SIPA1L1: variants seen among roughly 807,000 people sequenced by gnomAD.
The protein encoded by SIPA1L1 is signal induced proliferation associated 1 like 1, also known as signal-induced proliferation-associated 1-like protein 1.
SIPA1L1 carries 26 observed loss-of-function variants against 162.7 expected under a neutral mutation model. The ratio of observed to expected loss-of-function variants is 0.16; its 90% CI spans 0.12 to 0.22. The LOEUF (loss-of-function observed/expected upper bound fraction) is 0.22, where lower values mean the gene tolerates loss of function less well. Ranked by LOEUF, SIPA1L1 falls within the 10% of genes least tolerant of loss-of-function variation. The pLI is 1.00. For synonymous variants in SIPA1L1, 829 were observed against 837.4 expected (o/e 0.99, Z 0.17); for missense variants, 1,874 against 2,241.0 (o/e 0.84, Z 3.31).
intron 2 of SIPA1L1, chr14:71,330,238 A>G (rs1234077858): frequency 4.6e-6 from 3 of 659,248 alleles, no homozygotes; most frequent in East Asian, 2.8e-5. Flanking sequence ...TCCCAACTCC[A>G]CTATTCCAGG....
Position 71,508,001 on chromosome 14 carries a change from G to A in SIPA1L1, c.-464-4742G>A, listed in dbSNP as rs562462512. On this transcript the variant is annotated intron_variant, in intron 2 of 23. Transcript: ENST00000381232. ...AAGAAAAAAAGAGGGCAAGTGGGACGATAGAGGGTAACCGGCATAAGCTCA... is the reference window on the plus strand; with the variant it reads ...AAGAAAAAAAGAGGGCAAGTGGGACAATAGAGGGTAACCGGCATAAGCTCA... 1.2e-4 allele frequency among the ~76,000 whole-genome samples: 18 copies of A among 152,318 alleles called. 1 individual carries two copies. In the South Asian group the frequency reaches 3.5e-3, roughly 30 times the overall value.
At chr14:71,394,603 G>C (rs2041031824) in intron 2 of SIPA1L1, among the ~76,000 whole-genome samples, 1 of 152,144 alleles carries the variant, frequency 6.6e-6, no homozygotes, top group Non-Finnish European at 1.5e-5. Flanking sequence ...TTTAAAATCA[G>C]CAGTGAATAA....
intron 3 of SIPA1L1, among the ~76,000 whole-genome samples, chr14:71,519,827 A>G (rs2052123571): frequency 6.6e-6 from 1 of 151,934 alleles, no homozygotes; most frequent in South Asian, 2.1e-4. Context: ...CTAGTCTCTT[A>G]TGGAAAAAAA....
intron 2 of SIPA1L1, among the ~76,000 whole-genome samples, chr14:71,395,509 A>C (rs142785558): frequency 2.0e-4 from 30 of 152,260 alleles, no homozygotes; most frequent in Non-Finnish European, 3.2e-4. Context: ...AAAAATAAAA[A>C]ACAATTAGCT....
intron 2 of SIPA1L1, among the ~76,000 whole-genome samples, chr14:71,429,691 T>G (rs556178772): frequency 5.3e-5 from 8 of 152,174 alleles, no homozygotes; most frequent in Non-Finnish European, 7.3e-5. Context: ...TCTAAGTGGC[T>G]TCCATCAGCA....
rs536965843 is a variant in SIPA1L1, at chr14:71,430,318, T to TA, written c.-464-82419dup. 5.3e-5 allele frequency among the ~76,000 whole-genome samples: 8 copies of TA among 152,282 alleles called. No homozygotes were observed. In the South Asian group the frequency reaches 1.7e-3, roughly 32 times the overall value. The stretch of plus-strand genomic sequence containing the variant: ...TCTTCCTTTTGATCTTTTAAGAAAA[T>TA]AAAAAACTGTAATACTTATTTTATC... On this transcript the variant is annotated intron_variant, in intron 2 of 23. Coordinates refer to ENST00000381232, the MANE Select transcript of SIPA1L1 (RefSeq NM_001386936.1).
At chr14:71,497,418 T>C (rs2049877439) in intron 2 of SIPA1L1, among the ~76,000 whole-genome samples, 1 of 152,174 alleles carries the variant, frequency 6.6e-6, no homozygotes, top group Non-Finnish European at 1.5e-5. Context: ...TTTGTGACTT[T>C]CATTATAATA....
At chr14:71,593,905 A>G (rs1012154698) in intron 5 of SIPA1L1, among the ~76,000 whole-genome samples, 3 of 152,186 alleles carry the variant, frequency 2.0e-5, no homozygotes, top group Admixed American at 1.3e-4. Flanking sequence ...GCCTCCCTCT[A>G]CTGCACACTG....
At chr14:71,677,133 C>G (rs1404610418) in intron 12 of SIPA1L1, among the ~76,000 whole-genome samples, 1 of 152,214 alleles carries the variant, frequency 6.6e-6, no homozygotes, top group African/African-American at 2.4e-5. Context: ...TCTCCAGCAG[C>G]TGTTGTTTCC....
At chr14:71,710,128 C>T (rs1409536881) in intron 17 of SIPA1L1, among the ~76,000 whole-genome samples, 1 of 152,234 alleles carries the variant, frequency 6.6e-6, no homozygotes, top group Non-Finnish European at 1.5e-5. Context: ...AGCCGAGAAC[C>T]TCACTTACCT....
At chr14:71,707,032 CAAAAAAAA>C (rs775191889) in intron 16 of SIPA1L1, among the ~76,000 whole-genome samples, 5 of 92,396 alleles carry the variant, frequency 5.4e-5, no homozygotes, top group East Asian at 6.9e-4. Context: ...AAGACTCCGT[CAAAAAAAA>C]AAAAAAAAAA....
Position 71,672,396 on chromosome 14 carries a change from G to A in SIPA1L1, c.2878G>A (p.Gly960Arg), listed in dbSNP as rs1566616516. 1 of 1,614,236 alleles carries A rather than the reference G, an allele frequency of 6.2e-7. No homozygotes were observed. Among genetic ancestry groups the A allele is most frequent in the Admixed American group, 1.7e-5 (1 of 60,034 alleles). The stretch of plus-strand genomic sequence containing the variant: ...GGTGGAGATGACTCTGCGAAGAAAT[G>A]GGCTAGGACAGCTTGGCTTCCATGT... Reference protein sequence around the residue: ...ESVEMTLRRNGLGQLGFHVNY... With the variant: ...ESVEMTLRRNRLGQLGFHVNY... Residue 960 changes from glycine (G) to arginine (R), a missense_variant, in exon 12 of 24, where the codon GGG becomes AGG. By Grantham distance (125) the Gly-to-Arg change is moderately radical. Coordinates refer to ENST00000381232, the MANE Select transcript of SIPA1L1 (RefSeq NM_001386936.1).
At chr14:71,676,154 C>T (rs1396330972) in intron 12 of SIPA1L1, among the ~76,000 whole-genome samples, 3 of 149,056 alleles carry the variant, frequency 2.0e-5, no homozygotes, top group Admixed American at 6.7e-5. Flanking sequence ...ATTAGGGGGG[C>T]GTGCTGGCAC....
At chr14:71,482,660 A>T (rs1486152352) in intron 2 of SIPA1L1, among the ~76,000 whole-genome samples, 2 of 152,158 alleles carry the variant, frequency 1.3e-5, no homozygotes, top group African/African-American at 4.8e-5. Flanking sequence ...TACTTTTTTC[A>T]TAGGGATGAA....
rs1347656282 is a variant in SIPA1L1 at position 71,618,965 on chromosome 14, A to G, written c.1629+78A>G. ...AAATAGTAGCAGTAGCAAAGCAATT[A>G]AATTTAATAGCACATGGTTACAGCT... On this transcript the variant is annotated intron_variant, in intron 6 of 23. Coordinates refer to ENST00000381232, the MANE Select transcript of SIPA1L1 (RefSeq NM_001386936.1). 1.4e-5 allele frequency: 21 copies of G among 1,468,306 alleles called. 1 individual carries two copies. The highest frequency in any genetic ancestry group is 1.9e-5 in the Non-Finnish European group (20 of 1,064,172). The allele number at this position is 1,468,306 out of a possible 1,614,324, so 91.0% of individuals were successfully genotyped here.
chr14:71,616,507 C>T (rs2038851485), intron 5 of SIPA1L1, among the ~76,000 whole-genome samples: 1 of 141,290 alleles, frequency 7.1e-6, no homozygotes, highest in Non-Finnish European at 1.5e-5. Flanking sequence ...ATTAGCAAGT[C>T]TAGAGGGAGA....
At position 71,511,155 on chromosome 14, in the gene SIPA1L1, C is replaced by G. The variant is rs76582272; in HGVS notation, c.-464-1588C>G. 2.2e-4 allele frequency among the ~76,000 whole-genome samples: 34 copies of G among 152,312 alleles called. No homozygotes were observed. The South Asian group carries it at 7.0e-3, about 32-fold the overall frequency. On this transcript the variant is annotated intron_variant, in intron 2 of 23. Coordinates refer to ENST00000381232, the MANE Select transcript of SIPA1L1 (RefSeq NM_001386936.1). ...CAAATTTAAAAACCTTTAAAACTCACAGTGTTTCCCATGTTGCCTAGTGTG... is the reference window on the plus strand; with the variant it reads ...CAAATTTAAAAACCTTTAAAACTCAGAGTGTTTCCCATGTTGCCTAGTGTG...
At chr14:71,707,593 A>G (rs1017292097) in intron 16 of SIPA1L1, among the ~76,000 whole-genome samples, 4 of 152,178 alleles carry the variant, frequency 2.6e-5, no homozygotes, top group Non-Finnish European at 5.9e-5. Flanking sequence ...CTCGCTGATT[A>G]TGTTCCCAAG....
At chr14:71,637,908 A>G (rs1028215000) in intron 7 of SIPA1L1, among the ~76,000 whole-genome samples, 7 of 152,158 alleles carry the variant, frequency 4.6e-5, no homozygotes, top group East Asian at 1.9e-4. Flanking sequence ...AACGCCCCCA[A>G]TAGCAACAAT....
Sources: allele counts gnomAD v4.1 joint callset (sites outside exome capture counted in the v4.1 genomes callset), GRCh38; gene constraint gnomAD v4.1.1; transcripts MANE v1.5; gene names NCBI Gene and HGNC (gene_info 2026-07-23, HGNC 2026-07-21).